CLNK: variants seen among roughly 807,000 people sequenced by gnomAD.
The protein encoded by CLNK is cytokine-dependent hematopoietic cell linker.
A neutral mutation model predicts 68.6 loss-of-function variants in CLNK; 74 were observed. The observed-to-expected ratio is 1.08, with a 90% CI of 0.89 to 1.31. CLNK has a LOEUF of 1.31. Among genes scored for constraint, CLNK ranks in the 50% most tolerant of loss-of-function variants. The pLI is 0.00. For missense variants in CLNK, 553 were observed against 515.3 expected (o/e 1.07, Z -0.71); for synonymous variants, 198 against 172.2 (o/e 1.15, Z -1.17).
intron 8 of CLNK, among the ~76,000 whole-genome samples, chr4:10,551,429 A>G (rs910658382): frequency 7.9e-5 from 10 of 127,298 alleles, no homozygotes; most frequent in African/African-American, 2.6e-5. Context: ...GTATATATAT[A>G]TATTTTTTTT....
rs59809551 is a variant in CLNK at position 10,610,771 on chromosome 4, AACACACACACACACAC to A, written c.12-12738_12-12723del. On this transcript the variant is annotated intron_variant, in intron 2 of 18. Transcript: ENST00000226951. ...GTGATAGAAAACAACATAAAAAAGC[AACACACACACACACAC>A]ACACACACACACACACACACACACA... Among the ~76,000 whole-genome samples, 385 of 144,586 alleles carry A rather than the reference AACACACACACACACAC, an allele frequency of 2.7e-3. 2 individuals are homozygous for A. Among genetic ancestry groups the A allele is most frequent in the African/African-American group, 6.1e-3 (236 of 38,708 alleles). 94.9% of individuals were successfully genotyped at this position (144,586 alleles called of 152,430 possible).
chr4:10,553,457 A>ATT (rs112540905), intron 8 of CLNK, among the ~76,000 whole-genome samples: 1 of 149,128 alleles, frequency 6.7e-6, no homozygotes, highest in Non-Finnish European at 1.5e-5. Flanking sequence ...TTTTTATTTT[A>ATT]TTTTTTTTTT....
intron 2 of CLNK, among the ~76,000 whole-genome samples, chr4:10,632,998 C>T (rs567228687): frequency 6.6e-5 from 10 of 152,172 alleles, no homozygotes; most frequent in African/African-American, 2.4e-5. Flanking sequence ...AGTGCAGGGG[C>T]GTGATCTCAG....
chr4:10,635,505 G>C (rs1159513321), intron 2 of CLNK, among the ~76,000 whole-genome samples: 2 of 152,104 alleles, frequency 1.3e-5, no homozygotes, highest in African/African-American at 4.8e-5. Context: ...TATATACTTA[G>C]ATACTCTCCA....
chr4:10,631,227 C>A (rs1217233373), intron 2 of CLNK, among the ~76,000 whole-genome samples: 1 of 152,192 alleles, frequency 6.6e-6, no homozygotes, highest in Non-Finnish European at 1.5e-5. Context: ...CTGCCCAGAG[C>A]ATATTGATTG....
upstream of CLNK, chr4:10,684,995 T>A (rs541641348): frequency 5.9e-5 from 9 of 152,118 alleles, no homozygotes; most frequent in Non-Finnish European, 1.3e-4. Context: ...ACGGTGTCCT[T>A]ATGTGGCACT....
chr4:10,550,925 T>C (rs547946350), intron 8 of CLNK, among the ~76,000 whole-genome samples: 31 of 152,298 alleles, frequency 2.0e-4, no homozygotes, highest in Non-Finnish European at 4.4e-4. Flanking sequence ...ACCTAAGCAC[T>C]GAGATTCCAC....
intron 2 of CLNK, among the ~76,000 whole-genome samples, chr4:10,605,249 C>A (rs950967724): frequency 6.6e-6 from 1 of 152,114 alleles, no homozygotes; most frequent in Non-Finnish European, 1.5e-5. Context: ...TCTCTCTCTA[C>A]GGATACATAT....
chr4:10,681,117 C>T (rs1304447169), intron 1 of CLNK, among the ~76,000 whole-genome samples: 2 of 152,192 alleles, frequency 1.3e-5, no homozygotes. Context: ...TGACTTAGTG[C>T]TCAACAAGCT....
the CLNK span, among the ~76,000 whole-genome samples, chr4:10,720,773 C>G: frequency 6.6e-6 from 1 of 150,410 alleles, no homozygotes; most frequent in Non-Finnish European, 1.5e-5. Context: ...TGTACGGGGA[C>G]GCTGGAAAAC....
At chr4:10,688,346 G>A (rs1328752935), upstream of CLNK, among the ~76,000 whole-genome samples, 1 of 152,132 alleles carries the variant, frequency 6.6e-6, no homozygotes, top group Non-Finnish European at 1.5e-5. Context: ...CTCAAGGCAT[G>A]AAACTCTTGG....
At chr4:10,710,131 A>T in the CLNK span, among the ~76,000 whole-genome samples, 1 of 152,210 alleles carries the variant, frequency 6.6e-6, no homozygotes, top group Non-Finnish European at 1.5e-5. Context: ...GTTAATAAGT[A>T]CAACAAAGTA....
intron 8 of CLNK, among the ~76,000 whole-genome samples, chr4:10,557,150 G>C (rs1207969625): frequency 6.6e-6 from 1 of 151,944 alleles, no homozygotes; most frequent in African/African-American, 2.4e-5. Flanking sequence ...TCTTACTTAA[G>C]GTCACACAGC....
Position 10,667,854 on chromosome 4 carries a change from C to G in CLNK, c.11+5G>C. The G allele has an allele frequency of 7.9e-7, 1 of 1,260,692 alleles. No individual in the cohort carries two copies. The highest frequency in any genetic ancestry group is 1.5e-5 in the South Asian group (1 of 67,372). The allele number at this position is 1,260,692 out of a possible 1,614,324, so 78.1% of individuals were successfully genotyped here. A position where few individuals can be genotyped will look rare whatever the true frequency, so the allele number is the denominator to read the frequency against. On this transcript the variant is annotated splice_donor_5th_base_variant and intron_variant, in intron 2 of 18. Coordinates refer to ENST00000226951, the MANE Select transcript of CLNK (RefSeq NM_052964.4). ...TGGGGCTCACAGTGATCCCACGGTA[C>G]TTACTGCCTGTTCATAGTTCTTGGC...
the CLNK span, among the ~76,000 whole-genome samples, chr4:10,727,896 A>C: frequency 6.6e-6 from 1 of 152,246 alleles, no homozygotes; most frequent in Non-Finnish European, 1.5e-5. Flanking sequence ...AGTGAATCAG[A>C]AAATCTGAAG....
chr4:10,716,623 T>C, the CLNK span, among the ~76,000 whole-genome samples: 1 of 151,086 alleles, frequency 6.6e-6, no homozygotes, highest in African/African-American at 2.4e-5. Context: ...AGAAAAGCCT[T>C]AATGAAAACT....
At chr4:10,655,960 T>G (rs1011740467) in intron 2 of CLNK, among the ~76,000 whole-genome samples, 2 of 152,112 alleles carry the variant, frequency 1.3e-5, no homozygotes, top group African/African-American at 2.4e-5. Context: ...ATAGCATTTT[T>G]AATATATAGA....
At chr4:10,522,652 G>A (rs1404021522) in intron 14 of CLNK, among the ~76,000 whole-genome samples, 4 of 151,912 alleles carry the variant, frequency 2.6e-5, no homozygotes, top group South Asian at 4.2e-4. Context: ...CACTTACTAG[G>A]CACATGGTAT....
chr4:10,515,623 A>T (rs1717805592), intron 15 of CLNK, among the ~76,000 whole-genome samples: 1 of 152,216 alleles, frequency 6.6e-6, no homozygotes, highest in Admixed American at 6.5e-5. Flanking sequence ...AGTATCTGTT[A>T]CTGATCACAA....
Sources: gnomAD v4.1 joint callset for allele counts (sites outside exome capture counted in the v4.1 genomes callset) on GRCh38, gnomAD v4.1.1 for gene constraint, MANE v1.5 for transcripts, NCBI Gene and HGNC (gene_info 2026-07-23, HGNC 2026-07-21) for gene names.